Variants in PSMA1 observed in about 807,000 individuals in gnomAD.
PSMA1 encodes proteasome 20S subunit alpha 1.
In PSMA1, 3 loss-of-function variants were observed where a neutral mutation model predicts 38.4. The ratio of observed to expected loss-of-function variants is 0.08; its 90% CI spans 0.04 to 0.20. The LOEUF (loss-of-function observed/expected upper bound fraction) is 0.20. Among genes scored for constraint, PSMA1 ranks in the 10% least tolerant of loss-of-function variants. PSMA1 has a pLI of 1.00. For missense variants in PSMA1, 227 were observed against 325.3 expected, an observed-to-expected ratio of 0.70 and a Z score of 2.32; for synonymous variants, 101 against 107.1, an observed-to-expected ratio of 0.94 and a Z score of 0.35.
At chr11:14,615,761 T>G (rs1242043282) in intron 1 of PSMA1, among the ~76,000 whole-genome samples, 1 of 152,242 alleles carries the variant, frequency 6.6e-6, no homozygotes, top group Non-Finnish European at 1.5e-5. Context: ...TTTTTAACTG[T>G]ACTTAATACT....
intron 2 of PSMA1, among the ~76,000 whole-genome samples, chr11:14,576,760 C>A (rs1852221835): frequency 6.6e-6 from 1 of 152,162 alleles, no homozygotes; most frequent in Non-Finnish European, 1.5e-5. Context: ...CTTGGCAATG[C>A]AGGCTCTGTT....
At chr11:14,556,148 T>C (rs1851939153) in intron 2 of PSMA1, among the ~76,000 whole-genome samples, 1 of 152,228 alleles carries the variant, frequency 6.6e-6, no homozygotes, top group South Asian at 2.1e-4. Flanking sequence ...ATATTCCTTT[T>C]GGTTTACTCA....
intron 2 of PSMA1, among the ~76,000 whole-genome samples, chr11:14,585,437 T>C (rs575507907): frequency 2.0e-5 from 3 of 152,362 alleles, no homozygotes; most frequent in Non-Finnish European, 2.9e-5. Context: ...TTTAAAGCTA[T>C]AGGAAACATT....
At chr11:14,512,268 G>A (rs190109805) in intron 7 of PSMA1, among the ~76,000 whole-genome samples, 1 of 152,250 alleles carries the variant, frequency 6.6e-6, no homozygotes, top group Admixed American at 6.5e-5. Flanking sequence ...CAGCTACTCA[G>A]GAGGCTGAGG....
chr11:14,534,042 A>G lies in PSMA1; in HGVS notation c.22-15001T>C, dbSNP rs1851677389. On this transcript the variant is annotated intron_variant, in intron 2 of 10. Coordinates refer to the PSMA1 transcript ENST00000418988. The surrounding 1 kb of genome is among the most constrained non-coding windows in gnomAD (Gnocchi z 4.5). The stretch of plus-strand genomic sequence containing the variant: ...ACTAAAAATACAAAATTAGCCGGGC[A>G]TGGAGGTGCATGTCTGTAACCCCAG... 6.6e-6 allele frequency among the ~76,000 whole-genome samples: 1 copy of G among 152,042 alleles called. No homozygotes were observed. The highest frequency in any genetic ancestry group is 2.4e-5 in the African/African-American group (1 of 41,422).
chr11:14,614,904 T>C (rs1852753260), intron 1 of PSMA1, among the ~76,000 whole-genome samples: 1 of 152,216 alleles, frequency 6.6e-6, no homozygotes, highest in South Asian at 2.1e-4. Context: ...ACTATGCTCA[T>C]GTCACTCTCT....
At chr11:14,530,054 T>G (rs1851630125) in intron 2 of PSMA1, among the ~76,000 whole-genome samples, 1 of 152,252 alleles carries the variant, frequency 6.6e-6, no homozygotes, top group African/African-American at 2.4e-5. Flanking sequence ...ATACAGTGCC[T>G]GTACTTAATA....
At chr11:14,612,412 A>G (rs904766764) in intron 1 of PSMA1, among the ~76,000 whole-genome samples, 2 of 152,144 alleles carry the variant, frequency 1.3e-5, no homozygotes, top group African/African-American at 2.4e-5. Flanking sequence ...GTATGATCAT[A>G]TATGTATTAT....
At chr11:14,607,428 T>C (rs554108664) in intron 2 of PSMA1, among the ~76,000 whole-genome samples, 1 of 152,266 alleles carries the variant, frequency 6.6e-6, no homozygotes. Flanking sequence ...CTGTCCAGGG[T>C]TGCTTCTGAC....
At chr11:14,531,703 G>A (rs750976061) in intron 2 of PSMA1, among the ~76,000 whole-genome samples, 23 of 152,140 alleles carry the variant, frequency 1.5e-4, no homozygotes, top group African/African-American at 3.9e-4. Flanking sequence ...CAAGTGATCC[G>A]CCTGTCTTCA....
chr11:14,513,410 TA>T, intron 7 of PSMA1, 159 bp downstream of exon 7: 1 of 762,662 alleles, frequency 1.3e-6, no homozygotes, highest in Non-Finnish European at 1.8e-6. Context: ...AAGATTAGTA[TA>T]TGTGACAGAA....
chr11:14,541,527 C>CA (rs1205547138), intron 2 of PSMA1, among the ~76,000 whole-genome samples: 1 of 152,254 alleles, frequency 6.6e-6, no homozygotes, highest in Non-Finnish European at 1.5e-5. Context: ...CTTGTCCTCT[C>CA]ACAGACAGTC....
At chr11:14,629,803 T>C (rs1852974129) in intron 1 of PSMA1, among the ~76,000 whole-genome samples, 1 of 151,704 alleles carries the variant, frequency 6.6e-6, no homozygotes, top group African/African-American at 2.4e-5. Flanking sequence ...CCCATGAGCA[T>C]GGAATGTTCT....
intron 2 of PSMA1, among the ~76,000 whole-genome samples, chr11:14,574,466 G>T (rs910987974): frequency 1.3e-5 from 2 of 152,198 alleles, no homozygotes; most frequent in Non-Finnish European, 2.9e-5. Context: ...TTGAGGCTTG[G>T]ATGCCCCTGC....
intron 4 of PSMA1, among the ~76,000 whole-genome samples, chr11:14,516,221 A>G (rs1851427253): frequency 6.6e-6 from 1 of 151,738 alleles, no homozygotes; most frequent in African/African-American, 2.4e-5. Flanking sequence ...AAAAAAAAAA[A>G]AAGAATAGGG....
chr11:14,633,848 T>C (rs1480966892), intron 1 of PSMA1, among the ~76,000 whole-genome samples: 2 of 152,070 alleles, frequency 1.3e-5, no homozygotes, highest in Non-Finnish European at 2.9e-5. Context: ...TGATGCGCCG[T>C]TTTTTAAGTC....
chr11:14,634,005 G>A (rs989485294), intron 1 of PSMA1, among the ~76,000 whole-genome samples: 45 of 152,188 alleles, frequency 3.0e-4, no homozygotes, highest in South Asian at 2.1e-4. Flanking sequence ...GCTCGTGCAC[G>A]GTGTGCACAC....
chr11:14,536,348 G>A (rs1589986098), intron 2 of PSMA1, among the ~76,000 whole-genome samples: 1 of 151,988 alleles, frequency 6.6e-6, no homozygotes, highest in East Asian at 2.0e-4. Context: ...CCAACATGGC[G>A]AAACCCCGTC....
At chr11:14,589,858 A>C (rs1009769487) in intron 2 of PSMA1, among the ~76,000 whole-genome samples, 3 of 152,200 alleles carry the variant, frequency 2.0e-5, no homozygotes, top group Non-Finnish European at 4.4e-5. Flanking sequence ...CCAACGCTGT[A>C]CACTCGATTA....
Sources: allele counts gnomAD v4.1 joint callset (sites outside exome capture counted in the v4.1 genomes callset), GRCh38; gene constraint gnomAD v4.1.1; non-coding constraint Gnocchi (gnomAD v3.1); transcripts MANE v1.5; gene names NCBI Gene and HGNC (gene_info 2026-07-23, HGNC 2026-07-21).